The following CTNNA3 variants were observed in gnomAD, a reference collection of about 807,000 sequenced individuals.
CTNNA3 encodes catenin alpha-3.
Under a neutral mutation model 95.7 loss-of-function variants are expected in CTNNA3, and 76 were observed. The ratio of observed to expected loss-of-function variants is 0.79; its 90% CI spans 0.66 to 0.96. The LOEUF (loss-of-function observed/expected upper bound fraction) is 0.96, where lower values mean the gene tolerates loss of function less well. Among genes scored for constraint, CTNNA3 ranks in the 40% least tolerant of loss-of-function variants. CTNNA3 has a pLI of 0.00. For synonymous variants in CTNNA3, 431 were observed against 374.4 expected (o/e 1.15, Z -1.74); for missense variants, 1,191 against 1,089.8 (o/e 1.09, Z -1.31).
At chr10:66,540,600 C>T (rs2132075350) in intron 10 of CTNNA3, among the ~76,000 whole-genome samples, 1 of 152,162 alleles carries the variant, frequency 6.6e-6, no homozygotes, top group South Asian at 2.1e-4. Flanking sequence ...GCATAAAAAG[C>T]AGTATCTTTA....
At chr10:66,594,862 T>C (rs943020820) in intron 10 of CTNNA3, among the ~76,000 whole-genome samples, 2 of 152,200 alleles carry the variant, frequency 1.3e-5, no homozygotes, top group African/African-American at 4.8e-5. Flanking sequence ...TTTCCTTATC[T>C]TTAAAAATGT....
intron 2 of CTNNA3, among the ~76,000 whole-genome samples, chr10:67,621,912 C>T (rs1035167807): frequency 6.6e-6 from 1 of 152,156 alleles, no homozygotes; most frequent in African/African-American, 2.4e-5. Flanking sequence ...CATGTGTTTA[C>T]ATATTATCTA....
intron 13 of CTNNA3, among the ~76,000 whole-genome samples, chr10:66,188,260 C>A (rs1373734899): frequency 6.6e-6 from 1 of 152,082 alleles, no homozygotes; most frequent in Non-Finnish European, 1.5e-5. Flanking sequence ...ATCAAGTGTA[C>A]TAGCATACTT....
chr10:66,585,486 A>C (rs1843330419), intron 10 of CTNNA3, among the ~76,000 whole-genome samples: 1 of 151,614 alleles, frequency 6.6e-6, no homozygotes, highest in Non-Finnish European at 1.5e-5. Context: ...ATCTATTTTA[A>C]AAGCTTTTCA....
chr10:66,363,150 C>T (rs1044898444), intron 12 of CTNNA3, among the ~76,000 whole-genome samples: 1 of 152,146 alleles, frequency 6.6e-6, no homozygotes, highest in Non-Finnish European at 1.5e-5. Context: ...TTTGCTATAT[C>T]GTGCGCTGCT....
intron 5 of CTNNA3, among the ~76,000 whole-genome samples, chr10:67,303,811 G>A (rs145246861): frequency 5.3e-5 from 8 of 151,866 alleles, no homozygotes; most frequent in South Asian, 2.1e-4. Flanking sequence ...TTTCCATGCC[G>A]CATCTGCTAA....
At chr10:67,430,819 C>CCACACACACA (rs1846085091) in intron 5 of CTNNA3, among the ~76,000 whole-genome samples, 1 of 28,614 alleles carries the variant, frequency 3.5e-5, no homozygotes, top group Admixed American at 5.9e-4. Flanking sequence ...TCAAACATAA[C>CCACACACACA]TACACACACA....
chr10:66,430,918 T>C (rs1387159552), intron 11 of CTNNA3, among the ~76,000 whole-genome samples: 1 of 152,020 alleles, frequency 6.6e-6, no homozygotes, highest in South Asian at 2.1e-4. Context: ...CTAATTAAAC[T>C]AAAGAGCTTC....
chr10:66,775,461 T>C lies in CTNNA3; in HGVS notation c.1111A>G (p.Arg371Gly). ...TCCCTCACCTGTCTGCGAAGGTCTC[T>C]TGTCTTCTTACACATGTTGTCTAAA... The part of the protein sequence containing the change: ...IALDNMCKKT[R>G]DLRRQLRKAI... The change falls in exon 8 of 18, where the codon AGA becomes GGA. Residue 371 changes from arginine (R) to glycine (G), a missense_variant. Arg to Gly is a moderately radical substitution (Grantham distance 125, BLOSUM62 -2). Coordinates refer to ENST00000433211, the MANE Select transcript of CTNNA3 (RefSeq NM_013266.4). 1 of 1,611,204 alleles carries C rather than the reference T, an allele frequency of 6.2e-7. No homozygotes were observed. The highest frequency in any genetic ancestry group is 8.5e-7 in the Non-Finnish European group (1 of 1,178,460).
chr10:66,309,546 C>T (rs1292231417), intron 12 of CTNNA3, among the ~76,000 whole-genome samples: 1 of 151,280 alleles, frequency 6.6e-6, no homozygotes, highest in Non-Finnish European at 1.5e-5. Context: ...AAATAATAGC[C>T]GGGCATGGTG....
At chr10:66,121,853 G>T (rs545670445) in intron 13 of CTNNA3, among the ~76,000 whole-genome samples, 2 of 152,070 alleles carry the variant, frequency 1.3e-5, no homozygotes, top group Admixed American at 1.3e-4. Flanking sequence ...CAAAAAAAAA[G>T]TTGCTGAGGT....
intron 1 of CTNNA3, among the ~76,000 whole-genome samples, chr10:67,683,964 G>C (rs1386848854): frequency 6.6e-6 from 1 of 152,216 alleles, no homozygotes; most frequent in South Asian, 2.1e-4. Context: ...GCTCATAAAG[G>C]TAATGCGAAC....
intron 17 of CTNNA3, among the ~76,000 whole-genome samples, chr10:65,946,992 AT>A (rs2077526384): frequency 6.6e-6 from 1 of 152,156 alleles, no homozygotes; most frequent in Non-Finnish European, 1.5e-5. Flanking sequence ...AAATGTCTCC[AT>A]TTGTATTAGG....
At chr10:66,469,351 A>C (rs1473238588) in intron 11 of CTNNA3, among the ~76,000 whole-genome samples, 1 of 151,902 alleles carries the variant, frequency 6.6e-6, no homozygotes, top group Non-Finnish European at 1.5e-5. Context: ...TCTGAGACAA[A>C]GGGTAGAGAA....
intron 11 of CTNNA3, among the ~76,000 whole-genome samples, chr10:66,506,982 G>A (rs565786713): frequency 6.6e-6 from 1 of 152,128 alleles, no homozygotes; most frequent in African/African-American, 2.4e-5. Flanking sequence ...ATCATATTGA[G>A]ATTTAATAGT....
intron 5 of CTNNA3, among the ~76,000 whole-genome samples, chr10:67,413,478 C>A (rs190478502): frequency 6.6e-6 from 1 of 152,110 alleles, no homozygotes; most frequent in Non-Finnish European, 1.5e-5. Flanking sequence ...AACACTTAAA[C>A]AACCACACAA....
chr10:66,127,399 G>T (rs142986231), intron 13 of CTNNA3, among the ~76,000 whole-genome samples: 27 of 151,864 alleles, frequency 1.8e-4, no homozygotes, highest in African/African-American at 6.1e-4. Flanking sequence ...TGATAAAAAT[G>T]GTACTTTTTC....
At chr10:67,601,599 A>G (rs970031976) in intron 3 of CTNNA3, among the ~76,000 whole-genome samples, 2 of 152,214 alleles carry the variant, frequency 1.3e-5, no homozygotes, top group African/African-American at 4.8e-5. Flanking sequence ...AATAGAAACT[A>G]TATAAAGGTA....
chr10:65,973,702 A>G (rs2078155474), intron 16 of CTNNA3, among the ~76,000 whole-genome samples: 1 of 152,034 alleles, frequency 6.6e-6, no homozygotes, highest in African/African-American at 2.4e-5. Context: ...ACAGTAGGAG[A>G]TGAAGTGGGA....
Sources: gnomAD v4.1 joint callset for allele counts (sites outside exome capture counted in the v4.1 genomes callset) on GRCh38, gnomAD v4.1.1 for gene constraint, MANE v1.5 for transcripts, NCBI Gene and HGNC (gene_info 2026-07-23, HGNC 2026-07-21) for gene names.